SEMA5A: variants seen among roughly 807,000 people sequenced by gnomAD.
SEMA5A encodes semaphorin-5A.
In SEMA5A, 55 loss-of-function variants were observed where a neutral mutation model predicts 135.5. The ratio of observed to expected loss-of-function variants is 0.41; its 90% CI spans 0.33 to 0.51. SEMA5A has a LOEUF of 0.51. Among genes scored for constraint, SEMA5A ranks in the 20% least tolerant of loss-of-function variants. The pLI, the probability that SEMA5A is intolerant of heterozygous loss-of-function variation, is 0.37. For synonymous variants in SEMA5A, 580 were observed against 546.5 expected (o/e 1.06, Z -0.85); for missense variants, 1,290 against 1,419.9 (o/e 0.91, Z 1.47).
intron 13 of SEMA5A, among the ~76,000 whole-genome samples, chr5:9,129,072 A>AGAGAT (rs1271879123): frequency 1.3e-5 from 2 of 152,232 alleles, no homozygotes; most frequent in African/African-American, 4.8e-5. Context: ...TCTTAAGCAA[A>AGAGAT]GAGATGCTAT....
At chr5:9,206,577 T>G (rs2150377570) in intron 8 of SEMA5A, among the ~76,000 whole-genome samples, 1 of 152,162 alleles carries the variant, frequency 6.6e-6, no homozygotes, top group Middle Eastern at 3.4e-3. Flanking sequence ...AATATGGGGG[T>G]ACACCATATT....
intron 13 of SEMA5A, among the ~76,000 whole-genome samples, chr5:9,128,050 G>T (rs140154813): frequency 2.6e-5 from 4 of 152,272 alleles, no homozygotes; most frequent in African/African-American, 4.8e-5. Flanking sequence ...AGAGGCTAAG[G>T]TAGGGACACC....
At position 9,350,323 on chromosome 5, in the gene SEMA5A, T is replaced by C. The variant is rs200343626; in HGVS notation, c.125-12511A>G. On this transcript the variant is annotated intron_variant, in intron 3 of 22. Transcript: ENST00000382496. ...ACTTTTTTCTCGGGAACCGTATTCATAAGTGAGTAGTTTAATAATGGGTTG... is the reference window on the plus strand; with the variant it reads ...ACTTTTTTCTCGGGAACCGTATTCACAAGTGAGTAGTTTAATAATGGGTTG... Among the ~76,000 whole-genome samples, 6 of 152,172 alleles carry C rather than the reference T, an allele frequency of 3.9e-5. No individual in the cohort carries two copies. The East Asian group carries it at 7.7e-4, about 20-fold the overall frequency.
rs11954133 is a variant in SEMA5A, at chr5:9,213,337, G to A, written c.647-11097C>T. 7.6e-3 allele frequency among the ~76,000 whole-genome samples: 1,158 copies of A among 152,348 alleles called. 15 individuals carry two copies. Among genetic ancestry groups the A allele is most frequent in the African/African-American group, 0.027 (1,103 of 41,578 alleles). The stretch of plus-strand genomic sequence containing the variant: ...ATGTGGGACCCAGGAGTGAGAAAAA[G>A]ACGTTAAGTCCTGGTCATTGGGAAC... On this transcript the variant is annotated intron_variant, in intron 8 of 22. Coordinates refer to ENST00000382496, the MANE Select transcript of SEMA5A (RefSeq NM_003966.3).
chr5:9,544,865 T>C (rs1398890251), intron 1 of SEMA5A, among the ~76,000 whole-genome samples: 2 of 152,146 alleles, frequency 1.3e-5, no homozygotes, highest in Non-Finnish European at 2.9e-5. Flanking sequence ...CACGCACATC[T>C]TGGGAGAAAC....
chr5:9,516,382 C>T (rs541966118), intron 1 of SEMA5A, among the ~76,000 whole-genome samples: 3 of 151,854 alleles, frequency 2.0e-5, no homozygotes, highest in South Asian at 2.1e-4. Context: ...TTCATAGCAC[C>T]GTTGGAAGCA....
intron 8 of SEMA5A, 152 bp from the exon 9 acceptor site, chr5:9,202,392 A>C: frequency 1.7e-5 from 9 of 515,078 alleles, no homozygotes; most frequent in East Asian, 3.8e-5. Context: ...GAGCAGCTTA[A>C]TGATCTACAC....
At chr5:9,046,896 A>G (rs2150032628) in intron 21 of SEMA5A, among the ~76,000 whole-genome samples, 1 of 152,314 alleles carries the variant, frequency 6.6e-6, no homozygotes. Context: ...TTCCCAGCAC[A>G]GTCCTGATCA....
At chr5:9,214,883 G>C (rs1746529177) in intron 8 of SEMA5A, among the ~76,000 whole-genome samples, 1 of 152,206 alleles carries the variant, frequency 6.6e-6, no homozygotes, top group African/African-American at 2.4e-5. Context: ...CATCAGCAAT[G>C]CTCAAGAGTT....
chr5:9,206,867 AC>A (rs1382057060), intron 8 of SEMA5A, among the ~76,000 whole-genome samples: 5 of 151,012 alleles, frequency 3.3e-5, no homozygotes, highest in African/African-American at 9.7e-5. Context: ...TGACAATCAG[AC>A]CTAGTTTGCA....
At chr5:9,243,229 C>T (rs908531372) in intron 5 of SEMA5A, among the ~76,000 whole-genome samples, 3 of 152,144 alleles carry the variant, frequency 2.0e-5, no homozygotes, top group African/African-American at 7.2e-5. Flanking sequence ...TGTCTGGGCC[C>T]CTCTCCCAGC....
intron 10 of SEMA5A, among the ~76,000 whole-genome samples, chr5:9,192,581 G>C (rs1806128): frequency 7.1e-6 from 1 of 141,600 alleles, no homozygotes; most frequent in Non-Finnish European, 1.5e-5. Context: ...TGTAATTGGG[G>C]GGGGGAGGGG....
chr5:9,049,084 G>T (rs1736422881), intron 21 of SEMA5A, among the ~76,000 whole-genome samples: 1 of 152,168 alleles, frequency 6.6e-6, no homozygotes, highest in Non-Finnish European at 1.5e-5. Context: ...ATGAATGACT[G>T]AATGAATGAA....
At chr5:9,544,732 A>G (rs1241390885) in intron 1 of SEMA5A, among the ~76,000 whole-genome samples, 1 of 152,224 alleles carries the variant, frequency 6.6e-6, no homozygotes, top group Non-Finnish European at 1.5e-5. Context: ...CAAAGCAAGC[A>G]AAGGGCGAGG....
chr5:9,386,773 A>G (rs965665288), intron 2 of SEMA5A, among the ~76,000 whole-genome samples: 1 of 152,166 alleles, frequency 6.6e-6, no homozygotes, highest in Non-Finnish European at 1.5e-5. Flanking sequence ...ATTGTAAACA[A>G]TCTACACATA....
At chr5:9,491,750 A>G (rs933285134) in intron 1 of SEMA5A, among the ~76,000 whole-genome samples, 1 of 152,220 alleles carries the variant, frequency 6.6e-6, no homozygotes, top group Non-Finnish European at 1.5e-5. Flanking sequence ...AAGATGTTGT[A>G]TTACCACTAA....
intron 12 of SEMA5A, among the ~76,000 whole-genome samples, chr5:9,138,685 G>A (rs573862638): frequency 1.3e-4 from 20 of 151,984 alleles, no homozygotes; most frequent in Non-Finnish European, 2.9e-4. Flanking sequence ...ATGAGATTTT[G>A]GTGCACCCAT....
chr5:9,392,352 G>T (rs1296740139), intron 2 of SEMA5A, among the ~76,000 whole-genome samples: 1 of 152,050 alleles, frequency 6.6e-6, no homozygotes, highest in Non-Finnish European at 1.5e-5. Context: ...CTTTTAATGT[G>T]CTGTATGTAT....
intron 1 of SEMA5A, among the ~76,000 whole-genome samples, chr5:9,462,662 C>A (rs1759100513): frequency 6.6e-6 from 1 of 152,048 alleles, no homozygotes; most frequent in South Asian, 2.1e-4. Context: ...AAATCAAGAT[C>A]ATGTCCTTTG....
Sources: allele counts gnomAD v4.1 joint callset (sites outside exome capture counted in the v4.1 genomes callset), GRCh38; gene constraint gnomAD v4.1.1; transcripts MANE v1.5; gene names NCBI Gene and HGNC (gene_info 2026-07-23, HGNC 2026-07-21).